The following GSDME variants were observed in gnomAD, a reference collection of about 807,000 sequenced individuals.
The protein encoded by GSDME is gasdermin-E.
Under a neutral mutation model 47.5 loss-of-function variants are expected in GSDME, and 44 were observed. The ratio of observed to expected loss-of-function variants is 0.93; its 90% CI spans 0.73 to 1.19. The LOEUF is 1.19. GSDME is among the 50% of genes most tolerant of loss of function. The probability of loss-of-function intolerance (pLI) is 0.00; values close to 1 mark genes in which losing one functional copy is unlikely to be tolerated. For synonymous variants in GSDME, 258 were observed against 252.8 expected, an observed-to-expected ratio of 1.02 and a Z score of -0.20; for missense variants, 663 against 604.2, an observed-to-expected ratio of 1.10 and a Z score of -1.02.
At position 24,749,707 on chromosome 7, in the gene GSDME, G is replaced by A; in HGVS notation, c.68C>T (p.Ser23Leu). Residue 23 changes from serine (S) to leucine (L), a missense_variant, in exon 2 of 10, where the codon TCA becomes TTA. Ser to Leu is a moderately radical substitution (Grantham distance 145). Coordinates refer to ENST00000645220, the MANE Select transcript of GSDME (RefSeq NM_001127453.2). ...TAACTTATCAGAGTCATTCAGATTT[G>A]ATACTGCAATCAGGTCACCATCAGC... The part of the protein sequence containing the change: ...VDADGDLIAV[S>L]NLNDSDKLQL... The A allele has an allele frequency of 1.2e-6, 2 of 1,614,094 alleles. No homozygotes were observed. The highest frequency in any genetic ancestry group is 2.2e-5 in the South Asian group (2 of 91,070).
intron 2 of GSDME, among the ~76,000 whole-genome samples, chr7:24,746,638 C>T (rs1262880414): frequency 6.6e-6 from 1 of 152,178 alleles, no homozygotes; most frequent in Admixed American, 6.5e-5. Flanking sequence ...TCCTGGAAAC[C>T]CTGTCCCCAA....
chr7:24,715,614 A>G, intron 5 of GSDME: 1 of 397,078 alleles, frequency 2.5e-6, no homozygotes, highest in Non-Finnish European at 5.2e-6. Context: ...TACTTACCAC[A>G]TACAGATAAC....
chr7:24,717,212 T>TCTGCTGGGGATCCC (rs756801047), intron 5 of GSDME, 42 bp downstream of exon 5: 2 of 1,608,056 alleles, frequency 1.2e-6, no homozygotes, highest in South Asian at 2.2e-5. Flanking sequence ...TGAGGGATCC[T>TCTGCTGGGGATCCC]CTGCTGGGGA....
In GSDME at chr7:24,744,977, T is replaced by TGCA. The variant is rs1790614233; in HGVS notation, c.212-226_212-224dup. ...GGACCGCGGGCACACAGTGGACCAG[T>TGCA]GCAGCACGTGTGTGTGTGTGTGTGT... On this transcript the variant is annotated intron_variant, in intron 2 of 9. Coordinates refer to ENST00000645220, the MANE Select transcript of GSDME (RefSeq NM_001127453.2). This position sits in a 1 kb window ranked among gnomAD's most constrained non-coding sequence, Gnocchi z 4.5. Among the ~76,000 whole-genome samples the TGCA allele has an allele frequency of 8.2e-6, 1 of 122,236 alleles. No individual in the cohort carries two copies. Among genetic ancestry groups the TGCA allele is most frequent in the Admixed American group, 8.5e-5 (1 of 11,766 alleles). The allele number at this position is 122,236 out of a possible 152,430, so 80.2% of individuals were successfully genotyped here.
the GSDME span, among the ~76,000 whole-genome samples, chr7:24,780,798 C>T: frequency 1.3e-5 from 2 of 152,200 alleles, no homozygotes; most frequent in Non-Finnish European, 1.5e-5. The surrounding 1 kb of genome is among the most constrained non-coding windows in gnomAD (Gnocchi z 4.1). Context: ...TGGCATGCTG[C>T]CTCTTCTGGA....
At position 24,714,660 on chromosome 7, in the gene GSDME, G is replaced by A. The variant is rs979907983; in HGVS notation, c.697+2594C>T. 6.6e-6 allele frequency among the ~76,000 whole-genome samples: 1 copy of A among 152,172 alleles called. No individual in the cohort carries two copies. The highest frequency in any genetic ancestry group is 2.4e-5 in the African/African-American group (1 of 41,450). On this transcript the variant is annotated intron_variant, in intron 5 of 9. Coordinates refer to ENST00000645220, the MANE Select transcript of GSDME (RefSeq NM_001127453.2). This position sits in a 1 kb window ranked among gnomAD's most constrained non-coding sequence, Gnocchi z 5.0. Reference sequence around the variant, plus strand: ...GGAAGCTGGAAAAGATAAAAGCCTTGAAATTGAAATGCAAACAGGAGAGCC... The same window carrying A: ...GGAAGCTGGAAAAGATAAAAGCCTTAAAATTGAAATGCAAACAGGAGAGCC...
In GSDME at chr7:24,736,549, T is replaced by C. The variant is rs1186695400; in HGVS notation, c.404+8013A>G. The stretch of plus-strand genomic sequence containing the variant: ...GAAAATATTATTAAAGCTAAAGAGA[T>C]AGGCCCCCAGTGCAGTAATACCTGG... On this transcript the variant is annotated intron_variant, in intron 3 of 9. Transcript: ENST00000645220. This position sits in a 1 kb window ranked among gnomAD's most constrained non-coding sequence, Gnocchi z 4.6. Among the ~76,000 whole-genome samples, 1 of 152,126 alleles carries C rather than the reference T, an allele frequency of 6.6e-6. No individual in the cohort carries two copies. Among genetic ancestry groups the C allele is most frequent in the African/African-American group, 2.4e-5 (1 of 41,448 alleles).
the GSDME span, among the ~76,000 whole-genome samples, chr7:24,767,301 G>A: frequency 1.3e-5 from 2 of 152,120 alleles, no homozygotes; most frequent in South Asian, 4.1e-4. This position sits in a 1 kb window ranked among gnomAD's most constrained non-coding sequence, Gnocchi z 5.3. Context: ...TCCGGCCTGG[G>A]TGACAAAGTT....
At chr7:24,766,582 C>G in the GSDME span, among the ~76,000 whole-genome samples, 1 of 152,244 alleles carries the variant, frequency 6.6e-6, no homozygotes, top group East Asian at 1.9e-4. The surrounding 1 kb of genome is among the most constrained non-coding windows in gnomAD (Gnocchi z 4.2). Context: ...TGTTAGTTTG[C>G]TGAGAGTGAT....
Position 24,712,009 on chromosome 7 carries a change from A to T in GSDME, c.698-1621T>A, listed in dbSNP as rs983515414. ...TAACTTGTGTACGTAAGCAAAGGCTATGGAATAAAAATGTGGCAGGGCCCC... is the reference window on the plus strand; with the variant it reads ...TAACTTGTGTACGTAAGCAAAGGCTTTGGAATAAAAATGTGGCAGGGCCCC... On this transcript the variant is annotated intron_variant, in intron 5 of 9. Transcript: ENST00000645220. This position sits in a 1 kb window ranked among gnomAD's most constrained non-coding sequence, Gnocchi z 4.4. Among the ~76,000 whole-genome samples, 2 of 152,246 alleles carry T rather than the reference A, an allele frequency of 1.3e-5. No individual in the cohort carries two copies. The highest frequency in any genetic ancestry group is 2.4e-5 in the African/African-American group (1 of 41,470).
intron 8 of GSDME, chr7:24,703,316 T>C (rs780457012): frequency 1.9e-5 from 5 of 259,112 alleles, no homozygotes; most frequent in Non-Finnish European, 3.8e-5. Context: ...ACCAATCATT[T>C]TGGGGAGGAA....
the GSDME span, among the ~76,000 whole-genome samples, chr7:24,775,874 C>CA: frequency 0.15 from 4,490 of 30,856 alleles, 710 homozygotes; most frequent in East Asian, 0.19. Flanking sequence ...GATTCCATCT[C>CA]AAAAAAAAAA....
rs571007452 is a variant in GSDME at position 24,733,463 on chromosome 7, C to T, written c.404+11099G>A. Among the ~76,000 whole-genome samples, 8 of 152,260 alleles carry T rather than the reference C, an allele frequency of 5.3e-5. No homozygotes were observed. Among genetic ancestry groups the T allele is most frequent in the African/African-American group, 1.9e-4 (8 of 41,542 alleles). ...CAGCTAAGCACAGTGGGGTAGAGCA[C>T]CAAGCAAGCCCTTCAAGTCTCTGAT... On this transcript the variant is annotated intron_variant, in intron 3 of 9. Transcript: ENST00000645220. This position sits in a 1 kb window ranked among gnomAD's most constrained non-coding sequence, Gnocchi z 4.3.
At chr7:24,749,514 A>AAAT in intron 2 of GSDME, 50 bp downstream of exon 2, 1 of 1,388,238 alleles carries the variant, frequency 7.2e-7, no homozygotes, top group Non-Finnish European at 1.0e-6. Flanking sequence ...AAAAAAAAAA[A>AAAT]GGATCATCCT....
rs1326429297 is a variant in GSDME at position 24,721,206 on chromosome 7, TA to T, written c.405-1989del. On this transcript the variant is annotated intron_variant, in intron 3 of 9. Coordinates refer to ENST00000645220, the MANE Select transcript of GSDME (RefSeq NM_001127453.2). The surrounding 1 kb of genome is among the most constrained non-coding windows in gnomAD (Gnocchi z 4.1). ...GAATGTATTTAATGCCACTGAATTT[TA>T]CACTTAAAAATGGTTACAACAGTAA... 6.6e-6 allele frequency among the ~76,000 whole-genome samples: 1 copy of T among 152,230 alleles called. No individual in the cohort carries two copies. The highest frequency in any genetic ancestry group is 1.5e-5 in the Non-Finnish European group (1 of 68,040).
chr7:24,744,622 A>T lies in GSDME; in HGVS notation c.344T>A (p.Phe115Tyr). ...CACCTCCTGCTTCCTCAGGGTTCCAAATGAAGACTGGCTCTCTACGCGGCT... is the reference window on the plus strand; with the variant it reads ...CACCTCCTGCTTCCTCAGGGTTCCATATGAAGACTGGCTCTCTACGCGGCT... ...GSSRVESQSSFGTLRKQEVDL... is the reference protein window; with the variant it reads ...GSSRVESQSSYGTLRKQEVDL... Residue 115 changes from phenylalanine (F) to tyrosine (Y), a missense_variant, in exon 3 of 10, where the codon TTT becomes TAT. By Grantham distance (22) the Phe-to-Tyr change is conservative (BLOSUM62 3). Coordinates refer to ENST00000645220, the MANE Select transcript of GSDME (RefSeq NM_001127453.2). The surrounding 1 kb of genome is among the most constrained non-coding windows in gnomAD (Gnocchi z 4.5). The T allele has an allele frequency of 6.2e-7, 1 of 1,614,112 alleles. No homozygotes were observed. The highest frequency in any genetic ancestry group is 8.5e-7 in the Non-Finnish European group (1 of 1,180,024).
intron 2 of GSDME, 91 bp downstream of exon 2, chr7:24,749,473 G>C: frequency 7.1e-6 from 8 of 1,134,622 alleles, no homozygotes; most frequent in Non-Finnish European, 9.1e-6. Flanking sequence ...CTGCACTCCA[G>C]CATGGGCGAC....
rs117999918 is a variant in GSDME, at chr7:24,699,860, G to A, written c.1258-601C>T. Among the ~76,000 whole-genome samples the A allele has an allele frequency of 9.4e-4, 143 of 152,296 alleles. 2 individuals are homozygous for A. In the East Asian group the frequency reaches 0.025, roughly 26 times the overall value. ...TTTGGTCATATATGCAGTATGCTTA[G>A]TTTTTGTTTTACTGAAGATATTAGA... On this transcript the variant is annotated intron_variant, in intron 9 of 9. Coordinates refer to ENST00000645220, the MANE Select transcript of GSDME (RefSeq NM_001127453.2).
chr7:24,706,006 G>T, intron 8 of GSDME, 178 bp downstream of exon 8: 1 of 743,588 alleles, frequency 1.3e-6, no homozygotes, highest in Non-Finnish European at 2.2e-6. Context: ...ACAGACTCGA[G>T]ACCGAAGGGG....
Sources: gnomAD v4.1 joint callset for allele counts (sites outside exome capture counted in the v4.1 genomes callset) on GRCh38, gnomAD v4.1.1 for gene constraint, Gnocchi (gnomAD v3.1) non-coding constraint, MANE v1.5 for transcripts, NCBI Gene and HGNC (gene_info 2026-07-23, HGNC 2026-07-21) for gene names.